Variants in RTN1 observed in about 807,000 individuals in gnomAD.
RTN1 encodes the protein reticulon-1.
In RTN1, 25 loss-of-function variants were observed where a neutral mutation model predicts 65.5. The observed-to-expected ratio is 0.38, with a 90% confidence interval of 0.28 to 0.53. The LOEUF (loss-of-function observed/expected upper bound fraction) is 0.53. Among genes scored for constraint, RTN1 ranks in the 20% least tolerant of loss-of-function variants. The pLI is 0.79. For missense variants in RTN1, 983 were observed against 1,025.4 expected (o/e 0.96, Z 0.57); for synonymous variants, 471 against 447.6 (o/e 1.05, Z -0.66).
rs185678689 is a variant in RTN1 at position 59,654,906 on chromosome 14, G to A, written c.1766-47414C>T. On this transcript the variant is annotated intron_variant, in intron 3 of 8. Transcript: ENST00000267484. ...GATTTTCTCCTAATATCTGGAACAA[G>A]ACAAAGATTGTCTATTCTCACAACT... Among the ~76,000 whole-genome samples, 10 of 152,274 alleles carry A rather than the reference G, an allele frequency of 6.6e-5. No individual in the cohort carries two copies. In the East Asian group the frequency reaches 1.9e-3, roughly 29 times the overall value.
At chr14:59,799,247 G>A (rs1241140339) in intron 1 of RTN1, among the ~76,000 whole-genome samples, 1 of 152,196 alleles carries the variant, frequency 6.6e-6, no homozygotes, top group South Asian at 2.1e-4. Context: ...ATACCTTATA[G>A]AATGAGAATA....
intron 1 of RTN1, among the ~76,000 whole-genome samples, chr14:59,750,128 C>A (rs1160711639): frequency 8.4e-4 from 39 of 46,562 alleles, no homozygotes; most frequent in East Asian, 4.4e-3. Context: ...TATATATTAT[C>A]TATAATATAT....
At chr14:59,603,966 C>T (rs775987273) in intron 5 of RTN1, 45 bp from the exon 6 acceptor site, 1 of 1,475,542 alleles carries the variant, frequency 6.8e-7, no homozygotes, top group Non-Finnish European at 9.5e-7. Context: ...CCCTTCCTGA[C>T]AAGTTAGAGT....
At chr14:59,854,346 T>C (rs1566748773) in intron 1 of RTN1, among the ~76,000 whole-genome samples, 1 of 151,990 alleles carries the variant, frequency 6.6e-6, no homozygotes, top group Non-Finnish European at 1.5e-5. Context: ...GCACAGATCA[T>C]AAAATAGATG....
At chr14:59,709,154 T>C (rs540969623) in intron 3 of RTN1, among the ~76,000 whole-genome samples, 3 of 152,318 alleles carry the variant, frequency 2.0e-5, no homozygotes, top group African/African-American at 7.2e-5. Context: ...AGATGTACAC[T>C]GAAGCTTGTA....
Position 59,794,821 on chromosome 14 carries a change from T to C in RTN1, c.242-48340A>G, listed in dbSNP as rs1053091984. Among the ~76,000 whole-genome samples the C allele has an allele frequency of 6.6e-6, 1 of 152,222 alleles. No homozygotes were observed. Among genetic ancestry groups the C allele is most frequent in the Non-Finnish European group, 1.5e-5 (1 of 68,042 alleles). On this transcript the variant is annotated intron_variant, in intron 1 of 8. Coordinates refer to ENST00000267484, the MANE Select transcript of RTN1 (RefSeq NM_021136.3). The surrounding 1 kb of genome is among the most constrained non-coding windows in gnomAD (Gnocchi z 5.1). ...GTCTATTGACCAGAGGATGGTTATA[T>C]GGCCATATTTAACTAAATAGGAGGC...
chr14:59,621,773 C>T (rs1794172622), intron 3 of RTN1, among the ~76,000 whole-genome samples: 1 of 152,178 alleles, frequency 6.6e-6, no homozygotes, highest in African/African-American at 2.4e-5. Context: ...ACTTTAAATG[C>T]ATTCAAATGG....
intron 3 of RTN1, chr14:59,610,332 T>C (rs953657840): frequency 1.8e-6 from 1 of 566,682 alleles, no homozygotes; most frequent in South Asian, 2.4e-5. Flanking sequence ...AGGTTTCTAA[T>C]AAGGAGGTTA....
intron 2 of RTN1, among the ~76,000 whole-genome samples, chr14:59,743,173 T>C (rs1885147589): frequency 6.6e-6 from 1 of 152,196 alleles, no homozygotes; most frequent in African/African-American, 2.4e-5. Context: ...AAAACTCCAA[T>C]ATCATGTGAG....
intron 3 of RTN1, among the ~76,000 whole-genome samples, chr14:59,643,360 C>T (rs1370087664): frequency 6.6e-6 from 1 of 152,224 alleles, no homozygotes; most frequent in Non-Finnish European, 1.5e-5. Context: ...GCTGGGATTA[C>T]AGGTGCCTGC....
intron 3 of RTN1, among the ~76,000 whole-genome samples, chr14:59,706,389 C>A (rs1371359601): frequency 6.6e-6 from 1 of 152,176 alleles, no homozygotes; most frequent in Non-Finnish European, 1.5e-5. Context: ...GCCATCTGAC[C>A]CTTTTTTGAG....
intron 3 of RTN1, among the ~76,000 whole-genome samples, chr14:59,722,752 C>T (rs1458317230): frequency 6.8e-6 from 1 of 147,890 alleles, no homozygotes; most frequent in Non-Finnish European, 1.5e-5. Flanking sequence ...CCTGTAGTGA[C>T]GTGTGAGAAT....
At chr14:59,639,566 AATG>A (rs1043391371) in intron 3 of RTN1, among the ~76,000 whole-genome samples, 9 of 152,172 alleles carry the variant, frequency 5.9e-5, no homozygotes, top group African/African-American at 2.2e-4. Flanking sequence ...CCTCCAGTAT[AATG>A]ATGAGTAGAA....
chr14:59,625,916 C>T (rs1368857414), intron 3 of RTN1, among the ~76,000 whole-genome samples: 2 of 152,108 alleles, frequency 1.3e-5, no homozygotes, highest in East Asian at 1.9e-4. Context: ...TTTTCTTTCA[C>T]TAAGGGGGAA....
At chr14:59,796,169 T>C (rs1338882509) in intron 1 of RTN1, among the ~76,000 whole-genome samples, 5 of 152,192 alleles carry the variant, frequency 3.3e-5, no homozygotes, top group Admixed American at 3.3e-4. Flanking sequence ...CAAATACTTA[T>C]CAGTATTTTA....
intron 3 of RTN1, among the ~76,000 whole-genome samples, chr14:59,661,519 C>T (rs1883247555): frequency 6.6e-6 from 1 of 152,052 alleles, no homozygotes; most frequent in Non-Finnish European, 1.5e-5. Flanking sequence ...ACTGGCAAAC[C>T]AAATCCAGCA....
chr14:59,748,851 G>C (rs541797795), intron 1 of RTN1, among the ~76,000 whole-genome samples: 4 of 151,982 alleles, frequency 2.6e-5, no homozygotes, highest in South Asian at 2.1e-4. Flanking sequence ...GTGCAGTGGA[G>C]CGATCTTGGC....
chr14:59,684,849 C>G (rs7146847), intron 3 of RTN1, among the ~76,000 whole-genome samples: 113,543 of 152,010 alleles, frequency 0.75, 42,672 homozygotes, highest in African/African-American at 0.79. Context: ...TGAAATCATT[C>G]TGTACTGTCT....
intron 3 of RTN1, among the ~76,000 whole-genome samples, chr14:59,692,831 G>A (rs1883989155): frequency 6.6e-6 from 1 of 151,990 alleles, no homozygotes; most frequent in Non-Finnish European, 1.5e-5. Context: ...TACTAAAAAG[G>A]CAAAAATAAG....
Sources: gnomAD v4.1 joint callset for allele counts (sites outside exome capture counted in the v4.1 genomes callset) on GRCh38, gnomAD v4.1.1 for gene constraint, Gnocchi (gnomAD v3.1) non-coding constraint, MANE v1.5 for transcripts, NCBI Gene and HGNC (gene_info 2026-07-23, HGNC 2026-07-21) for gene names.